FLT3: variants seen among roughly 807,000 people sequenced by gnomAD.
The protein encoded by FLT3 is fms related receptor tyrosine kinase 3.
In FLT3, 46 loss-of-function variants were observed where a neutral mutation model predicts 126.6. The ratio of observed to expected loss-of-function variants is 0.36; its 90% CI spans 0.29 to 0.46. The LOEUF is 0.46. Among genes scored for constraint, FLT3 ranks in the 20% least tolerant of loss-of-function variants. The pLI is 1.00. For synonymous variants in FLT3, 404 were observed against 434.4 expected, an observed-to-expected ratio of 0.93 and a Z score of 0.87; for missense variants, 1,069 against 1,190.3, an observed-to-expected ratio of 0.90 and a Z score of 1.50.
intron 4 of FLT3, among the ~76,000 whole-genome samples, chr13:28,054,896 G>A (rs543610896): frequency 1.3e-5 from 2 of 152,206 alleles, no homozygotes; most frequent in African/African-American, 4.8e-5. Context: ...AAAATGAAAT[G>A]CCTACTCATG....
chr13:28,087,742 T>C (rs552262523), intron 1 of FLT3, among the ~76,000 whole-genome samples: 1 of 152,292 alleles, frequency 6.6e-6, no homozygotes, highest in East Asian at 1.9e-4. Flanking sequence ...TCATTTTGGA[T>C]AGTTTCTGTT....
intron 1 of FLT3, among the ~76,000 whole-genome samples, chr13:28,090,963 A>G (rs1480361946): frequency 6.6e-6 from 1 of 151,842 alleles, no homozygotes; most frequent in African/African-American, 2.4e-5. Context: ...CTTTGAAGGG[A>G]CAGTACTGGG....
chr13:28,034,661 G>C (rs1342006399), intron 12 of FLT3, among the ~76,000 whole-genome samples: 1 of 152,114 alleles, frequency 6.6e-6, no homozygotes, highest in Admixed American at 6.5e-5. Flanking sequence ...AAATTTACAA[G>C]AATTACATCT....
Position 28,028,217 on chromosome 13 carries a change from C to A in FLT3, c.2014G>T (p.Glu672Ter). ...GCCCCCAGCAGGTTCACAATATTCT[C>A]GTGGCTTCCCAGCTGGGTCATCATC... ...LKMMTQLGSH[E>*]NIVNLLGACT... is the part of the protein sequence containing the mutation. Residue 672 changes from glutamate (E) to a stop codon, truncating the protein, a stop_gained, in exon 16 of 24, where the codon GAG (glutamate) becomes TAG (stop). Transcript: ENST00000241453. LOFTEE classifies it high-confidence loss of function. The A allele has an allele frequency of 1.2e-6, 2 of 1,611,636 alleles. No individual in the cohort carries two copies.
intron 1 of FLT3, among the ~76,000 whole-genome samples, chr13:28,083,722 CTT>C (rs1216930250): frequency 6.6e-6 from 1 of 151,990 alleles, no homozygotes; most frequent in African/African-American, 2.4e-5. Flanking sequence ...TAGTATGTGT[CTT>C]TTATTTTTTT....
At chr13:28,057,290 C>T (rs557470265) in intron 4 of FLT3, 57 bp downstream of exon 4, 2 of 833,652 alleles carry the variant, frequency 2.4e-6, no homozygotes, top group East Asian at 2.4e-5. Flanking sequence ...TTCTAAACCA[C>T]TCCTTTGAAA....
chr13:28,099,416 T>C (rs1326023763), intron 1 of FLT3, among the ~76,000 whole-genome samples: 1 of 152,260 alleles, frequency 6.6e-6, no homozygotes, highest in Non-Finnish European at 1.5e-5. Context: ...TTACTTTTTA[T>C]ATTTCAGAAT....
chr13:28,018,682 C>T (rs142508968), intron 19 of FLT3, 93 bp from the exon 20 acceptor site: 23 of 1,380,112 alleles, frequency 1.7e-5, no homozygotes, highest in Middle Eastern at 2.0e-4. Flanking sequence ...TAGGAGGTAC[C>T]GGTGATGGAA....
At chr13:28,016,656 T>C (rs1871893167) in intron 20 of FLT3, among the ~76,000 whole-genome samples, 1 of 152,220 alleles carries the variant, frequency 6.6e-6, no homozygotes, top group Non-Finnish European at 1.5e-5. Context: ...AAACCCTCTT[T>C]TAAATGTATG....
intron 19 of FLT3, among the ~76,000 whole-genome samples, chr13:28,021,504 A>G (rs1872384752): frequency 6.6e-6 from 1 of 152,212 alleles, no homozygotes; most frequent in East Asian, 1.9e-4. Flanking sequence ...CAGGTGGGGA[A>G]AATGAAGAGA....
At chr13:28,050,943 C>T (rs9513005) in intron 5 of FLT3, among the ~76,000 whole-genome samples, 29,223 of 151,950 alleles carry the variant, frequency 0.19, 2,909 homozygotes, top group Middle Eastern at 0.29. Flanking sequence ...ACTATGTAAA[C>T]ATTTATACCT....
At chr13:28,058,940 A>G (rs1263895351) in intron 3 of FLT3, among the ~76,000 whole-genome samples, 1 of 152,208 alleles carries the variant, frequency 6.6e-6, no homozygotes, top group South Asian at 2.1e-4. Context: ...CCATGAGTTC[A>G]AGACTAACCT....
chr13:28,015,428 C>A (rs760637368), intron 21 of FLT3, among the ~76,000 whole-genome samples, 162 bp downstream of exon 21: 2 of 147,960 alleles, frequency 1.4e-5, no homozygotes, highest in Admixed American at 7.1e-5. Context: ...GGTTATAGAC[C>A]AGTGAGGAAG....
At chr13:28,035,474 T>A in intron 12 of FLT3, 21 bp downstream of exon 12, 1 of 1,600,600 alleles carries the variant, frequency 6.2e-7, no homozygotes, top group Non-Finnish European at 8.5e-7. Context: ...TGGTGGAATA[T>A]CACAAGAACA....
At position 28,050,217 on chromosome 13, in the gene FLT3, T is replaced by A. The variant is rs375998905; in HGVS notation, c.620A>T (p.Lys207Ile). 4.2e-5 allele frequency: 67 copies of A among 1,613,810 alleles called. No individual in the cohort carries two copies. Among genetic ancestry groups the A allele is most frequent in the Non-Finnish European group, 5.4e-5 (64 of 1,179,890 alleles). The change falls in exon 6 of 24, where the codon AAA becomes ATA. Residue 207 changes from lysine (K) to isoleucine (I), a missense_variant. Physicochemically the swap from Lys to Ile is moderately radical, Grantham distance 102. Coordinates refer to ENST00000241453, the MANE Select transcript of FLT3 (RefSeq NM_004119.3). ...TTTAACAACAGCTGGACTTTCTTCT[T>A]TACAGCTGCAATTAGAAAAGAAGTA... ...VLCDSQGESC[K>I]EESPAVVKKE...
intron 2 of FLT3, among the ~76,000 whole-genome samples, chr13:28,067,004 C>G (rs4769592): frequency 6.6e-6 from 1 of 151,982 alleles, no homozygotes; most frequent in South Asian, 2.1e-4. Context: ...GAATATGATG[C>G]TCTGGGAAGG....
At chr13:28,030,348 T>C (rs1272543722) in intron 15 of FLT3, among the ~76,000 whole-genome samples, 3 of 152,222 alleles carry the variant, frequency 2.0e-5, no homozygotes, top group Non-Finnish European at 4.4e-5. Flanking sequence ...TATCTTACAT[T>C]TTTTAGCATG....
At chr13:28,083,561 T>C (rs1343524916) in intron 1 of FLT3, among the ~76,000 whole-genome samples, 1 of 152,226 alleles carries the variant, frequency 6.6e-6, no homozygotes, top group Non-Finnish European at 1.5e-5. Flanking sequence ...TGTATAGAAT[T>C]GGTTTTATTT....
At chr13:28,083,191 T>C (rs1488492259) in intron 1 of FLT3, among the ~76,000 whole-genome samples, 1 of 152,200 alleles carries the variant, frequency 6.6e-6, no homozygotes, top group East Asian at 1.9e-4. Flanking sequence ...CAGTAATGGA[T>C]ATTGAACTTT....
Sources: allele counts gnomAD v4.1 joint callset (sites outside exome capture counted in the v4.1 genomes callset), GRCh38; gene constraint gnomAD v4.1.1; transcripts MANE v1.5; gene names NCBI Gene and HGNC (gene_info 2026-07-23, HGNC 2026-07-21).